The following RASGRP3 variants were observed in gnomAD, a reference collection of about 807,000 sequenced individuals.
The protein encoded by RASGRP3 is ras guanyl-releasing protein 3.
RASGRP3 carries 54 observed loss-of-function variants against 82.7 expected under a neutral mutation model. The observed-to-expected ratio is 0.65, with a 90% CI of 0.52 to 0.82. The LOEUF (loss-of-function observed/expected upper bound fraction) is 0.82, where lower values mean the gene tolerates loss of function less well. RASGRP3 is among the 40% of genes least tolerant of loss of function. The pLI is 0.00. For missense variants in RASGRP3, 861 were observed against 828.9 expected, an observed-to-expected ratio of 1.04 and a Z score of -0.48; for synonymous variants, 309 against 300.5, an observed-to-expected ratio of 1.03 and a Z score of -0.29.
In RASGRP3 at chr2:33,490,103, C is replaced by T. The variant is rs1281985653; in HGVS notation, c.-261+13396C>T. Among the ~76,000 whole-genome samples the T allele has an allele frequency of 2.0e-5, 3 of 151,932 alleles. No individual in the cohort carries two copies. The South Asian group carries it at 6.2e-4, about 32-fold the overall frequency. On this transcript the variant is annotated intron_variant, in intron 1 of 17. Transcript: ENST00000403687. ...TATTATCCATGTTTGTAACCATGTT[C>T]TTCTTCCTTCTTTCATATTATAACT...
At chr2:33,532,476 TCCAA>T (rs1214757292) in intron 10 of RASGRP3, 1 of 152,200 alleles carries the variant, frequency 6.6e-6, no homozygotes, top group African/African-American at 2.4e-5. Context: ...GACTCTGTTT[TCCAA>T]ATAAGACGTT....
intron 6 of RASGRP3, 140 bp downstream of exon 6, chr2:33,520,824 C>A: frequency 8.6e-7 from 1 of 1,165,824 alleles, no homozygotes; most frequent in Non-Finnish European, 1.2e-6. Flanking sequence ...CTGCAGTGAG[C>A]GCAAGCCGTA....
upstream of RASGRP3, among the ~76,000 whole-genome samples, chr2:33,474,340 T>A (rs975666746): frequency 2.0e-5 from 3 of 152,138 alleles, no homozygotes; most frequent in African/African-American, 7.2e-5. Flanking sequence ...TTCTTTTATT[T>A]ATTTGTTTAT....
intron 7 of RASGRP3, among the ~76,000 whole-genome samples, chr2:33,523,428 G>A (rs562142382): frequency 6.6e-6 from 1 of 150,532 alleles, no homozygotes; most frequent in South Asian, 2.1e-4. Context: ...TCGCGCCACT[G>A]CACTCCAGCC....
intron 17 of RASGRP3, 64 bp downstream of exon 17, chr2:33,559,094 G>C: frequency 1.5e-6 from 2 of 1,345,274 alleles, no homozygotes. Flanking sequence ...TGAGATGAGC[G>C]TTACAGAGGG....
chr2:33,556,238 T>TTTTC lies in RASGRP3; in HGVS notation c.1579+674_1579+675insCTTT, dbSNP rs1487105397. On this transcript the variant is annotated intron_variant, in intron 15 of 17. Transcript: ENST00000403687. ...TATGGTTCTTCTAATAATCTTTTTTTTTTTTTTTTTTTTTTTTTTTGAGAC... is the reference window on the plus strand; with the variant it reads ...TATGGTTCTTCTAATAATCTTTTTTTTTTCTTTTTTTTTTTTTTTTTTTTGAGAC... Among the ~76,000 whole-genome samples, 66 of 14,406 alleles carry TTTTC rather than the reference T, an allele frequency of 4.6e-3. 20 individuals are homozygous for TTTTC. Among genetic ancestry groups the TTTTC allele is most frequent in the African/African-American group, 0.019 (62 of 3,250 alleles). The allele number at this position is 14,406 out of a possible 152,430, so 9.5% of individuals were successfully genotyped here. A position where few individuals can be genotyped will look rare whatever the true frequency, so the allele number is the denominator to read the frequency against.
intron 14 of RASGRP3, among the ~76,000 whole-genome samples, chr2:33,552,976 T>G (rs994888236): frequency 1.3e-5 from 2 of 152,204 alleles, no homozygotes; most frequent in Non-Finnish European, 2.9e-5. Context: ...TCCTCTACTG[T>G]TCTTGGCAGG....
intron 2 of RASGRP3, among the ~76,000 whole-genome samples, chr2:33,456,761 G>A (rs185554678): frequency 6.6e-6 from 1 of 152,146 alleles, no homozygotes; most frequent in Non-Finnish European, 1.5e-5. Flanking sequence ...TTCACACACA[G>A]GCATAACTGG....
At chr2:33,519,636 A>G (rs1574406359) in intron 4 of RASGRP3, among the ~76,000 whole-genome samples, 1 of 152,352 alleles carries the variant, frequency 6.6e-6, no homozygotes, top group East Asian at 1.9e-4. Context: ...CTGTACTACC[A>G]ACTTTAATTA....
chr2:33,447,261 G>A (rs1665552558), intron 1 of RASGRP3, among the ~76,000 whole-genome samples: 1 of 152,092 alleles, frequency 6.6e-6, no homozygotes, highest in African/African-American at 2.4e-5. Flanking sequence ...GATTATGTAT[G>A]TAGCCCAAGG....
At position 33,543,471 on chromosome 2, in the gene RASGRP3, G is replaced by A. The variant is rs976592235; in HGVS notation, c.1279-41G>A. On this transcript the variant is annotated intron_variant, in intron 12 of 17. Transcript: ENST00000403687. The stretch of plus-strand genomic sequence containing the variant: ...TTTTGCAATAACAAGTTCAGAGCCT[G>A]CCTTATAGTCATTCAATAAATACTT... 4 of 1,303,780 alleles carry A rather than the reference G, an allele frequency of 3.1e-6. No individual in the cohort carries two copies. In the African/African-American group the frequency reaches 4.4e-5, roughly 14 times the overall value. The allele number at this position is 1,303,780 out of a possible 1,614,324, so 80.8% of individuals were successfully genotyped here. A position where few individuals can be genotyped will look rare whatever the true frequency, so the allele number is the denominator to read the frequency against.
chr2:33,462,186 A>G (rs996447208), intron 2 of RASGRP3, among the ~76,000 whole-genome samples: 3 of 152,206 alleles, frequency 2.0e-5, no homozygotes, highest in Admixed American at 6.5e-5. Context: ...CAAATGAAGA[A>G]AGAAAGTGAG....
At chr2:33,526,983 T>C (rs1385136624) in intron 9 of RASGRP3, among the ~76,000 whole-genome samples, 154 bp from the exon 10 acceptor site, 2 of 152,224 alleles carry the variant, frequency 1.3e-5, no homozygotes, top group Non-Finnish European at 2.9e-5. Flanking sequence ...TTTTTCTAAC[T>C]TTCTTTTTCC....
At chr2:33,453,275 T>C (rs1665890566) in intron 2 of RASGRP3, among the ~76,000 whole-genome samples, 1 of 152,208 alleles carries the variant, frequency 6.6e-6, no homozygotes, top group Non-Finnish European at 1.5e-5. Context: ...CTTTGTTTCC[T>C]TTTGAAACCC....
rs1040048250 is a variant in RASGRP3, at chr2:33,542,662, C to G, written c.1279-850C>G. On this transcript the variant is annotated intron_variant, in intron 12 of 17. Coordinates refer to ENST00000403687, the MANE Select transcript of RASGRP3 (RefSeq NM_001139488.2). The stretch of plus-strand genomic sequence containing the variant: ...TTCTTAATCCACCTCCTCTTTCCCC[C>G]CCCCACCAATATCACTCTATTTTAT... Among the ~76,000 whole-genome samples the G allele has an allele frequency of 3.4e-5, 5 of 146,350 alleles. 1 individual carries two copies. The Admixed American group carries it at 3.5e-4, about 10-fold the overall frequency.
chr2:33,563,483 T>C lies in RASGRP3; in HGVS notation c.*746T>C, dbSNP rs555142193. 6.6e-6 allele frequency: 1 copy of C among 152,354 alleles called. No homozygotes were observed. The highest frequency in any genetic ancestry group is 2.1e-4 in the South Asian group (1 of 4,830). The allele number at this position is 152,354 out of a possible 1,614,324, so 9.4% of individuals were successfully genotyped here. On this transcript the variant is annotated 3_prime_UTR_variant, in exon 18 of 18. Transcript: ENST00000403687. ...AAAGCTCTCCTAATACTTACTTAAA[T>C]AGCCATGGAAGAAAATTATGCTTGT...
chr2:33,467,887 C>A (rs752484969), intron 2 of RASGRP3, among the ~76,000 whole-genome samples: 3 of 152,190 alleles, frequency 2.0e-5, no homozygotes, highest in Admixed American at 1.3e-4. Flanking sequence ...ATCCTTGAAA[C>A]CTTTCAGAGA....
At chr2:33,520,954 T>A (rs189965282) in intron 6 of RASGRP3, among the ~76,000 whole-genome samples, 1 of 152,204 alleles carries the variant, frequency 6.6e-6, no homozygotes, top group Non-Finnish European at 1.5e-5. Context: ...ATGAAAGGAT[T>A]TGGCATGCAA....
chr2:33,527,078 C>T, intron 9 of RASGRP3, 59 bp from the exon 10 acceptor site: 1 of 1,569,928 alleles, frequency 6.4e-7, no homozygotes. Context: ...CATTGCAGGG[C>T]CCGGGGGTGT....
Sources: gnomAD v4.1 joint callset for allele counts (sites outside exome capture counted in the v4.1 genomes callset) on GRCh38, gnomAD v4.1.1 for gene constraint, MANE v1.5 for transcripts, NCBI Gene and HGNC (gene_info 2026-07-23, HGNC 2026-07-21) for gene names.